Variants in NLRC3 observed in about 807,000 individuals in gnomAD.
The protein encoded by NLRC3 is NLR family CARD domain-containing protein 3.
A neutral mutation model predicts 91.6 loss-of-function variants in NLRC3; 87 were observed. The observed-to-expected ratio is 0.95, with a 90% CI of 0.80 to 1.14. The LOEUF is 1.14. Among genes scored for constraint, NLRC3 ranks in the 50% most tolerant of loss-of-function variants. NLRC3 has a pLI of 0.00. For synonymous variants in NLRC3, 694 were observed against 625.3 expected, an observed-to-expected ratio of 1.11 and a Z score of -1.64; for missense variants, 1,577 against 1,418.6, an observed-to-expected ratio of 1.11 and a Z score of -1.79.
chr16:3,554,344 G>A lies in NLRC3; in HGVS notation c.2184-19C>T. 5 of 1,587,336 alleles carry A rather than the reference G, an allele frequency of 3.1e-6. No individual in the cohort carries two copies. Among genetic ancestry groups the A allele is most frequent in the Non-Finnish European group, 4.3e-6 (5 of 1,156,256 alleles). On this transcript the variant is annotated intron_variant, in intron 8 of 19. Transcript: ENST00000359128. ...CTGGAGGCTGCAGAGACAAGAAGAG[G>A]CTCATCACTGATGGAGCAGAAGCTG...
In NLRC3 at chr16:3,541,761, C is replaced by G; in HGVS notation, c.*64G>C. 1 of 1,098,620 alleles carries G rather than the reference C, an allele frequency of 9.1e-7. No homozygotes were observed. Among genetic ancestry groups the G allele is most frequent in the Non-Finnish European group, 1.4e-6 (1 of 730,324 alleles). 68.1% of individuals were successfully genotyped at this position (1,098,620 alleles called of 1,614,324 possible). A position where few individuals can be genotyped will look rare whatever the true frequency, so the allele number is the denominator to read the frequency against. Reference sequence around the variant, plus strand: ...GCTCCCAGACAGGCCCCCCAGAAGTCGGCCTTTCTGTTCAAAAGCTTCCAG... The same window carrying G: ...GCTCCCAGACAGGCCCCCCAGAAGTGGGCCTTTCTGTTCAAAAGCTTCCAG... On this transcript the variant is annotated 3_prime_UTR_variant, in exon 20 of 20. Transcript: ENST00000359128.
At chr16:3,569,134 C>T (rs575006809) in intron 1 of NLRC3, among the ~76,000 whole-genome samples, 3 of 151,790 alleles carry the variant, frequency 2.0e-5, no homozygotes, top group East Asian at 2.0e-4. Context: ...GCCAACATGG[C>T]GGAACCCCAT....
At chr16:3,546,262 A>G (rs2038683349) in intron 15 of NLRC3, among the ~76,000 whole-genome samples, 1 of 151,842 alleles carries the variant, frequency 6.6e-6, no homozygotes, top group Admixed American at 6.6e-5. Flanking sequence ...TTACTTTAAA[A>G]AATAAGTTAT....
At chr16:3,573,426 C>T (rs989163627) in intron 1 of NLRC3, among the ~76,000 whole-genome samples, 1 of 151,978 alleles carries the variant, frequency 6.6e-6, no homozygotes, top group Non-Finnish European at 1.5e-5. Context: ...GACCCTGTCT[C>T]ACACACACAC....
rs376246414 is a variant in NLRC3 at position 3,563,733 on chromosome 16, G to A, written c.1204C>T (p.Arg402Cys). Residue 402 changes from arginine to cysteine, a missense_variant, in exon 5 of 20, where the codon CGT (arginine) becomes TGT (cysteine). Transcript: ENST00000359128. ...TTGAGCAGCCCATGGAAGGCCAGACGGCCCAATGTCCCCACCATCTTGCGG... is the reference window on the plus strand; with the variant it reads ...TTGAGCAGCCCATGGAAGGCCAGACAGCCCAATGTCCCCACCATCTTGCGG... The part of the protein sequence containing the change: ...GGRKMVGTLG[R>C]LAFHGLLKKK... 21 of 1,613,308 alleles carry A rather than the reference G, an allele frequency of 1.3e-5. No individual in the cohort carries two copies. The highest frequency in any genetic ancestry group is 1.6e-4 in the Middle Eastern group (1 of 6,084).
Position 3,564,417 on chromosome 16 carries a change from C to G in NLRC3, c.520G>C (p.Val174Leu). The change falls in exon 5 of 20, where the codon GTG becomes CTG. Residue 174 changes from valine to leucine, a missense_variant. Coordinates refer to ENST00000359128, the MANE Select transcript of NLRC3 (RefSeq NM_178844.4). The surrounding 1 kb of genome is among the most constrained non-coding windows in gnomAD (Gnocchi z 5.9). ...AGATCCCGGAAGGTCAGAGGCAGCA[C>G]CAGCGAGAAGTCCTTGCCGACCTGC... is the stretch of plus-strand genomic sequence containing the variant. ...HGQVGKDFSL[V>L]LPLTFRDLNT... The G allele has an allele frequency of 6.2e-7, 1 of 1,612,744 alleles. No individual in the cohort carries two copies. The highest frequency in any genetic ancestry group is 8.5e-7 in the Non-Finnish European group (1 of 1,179,880).
chr16:3,556,575 A>C (rs994470028), intron 8 of NLRC3, among the ~76,000 whole-genome samples: 9 of 151,674 alleles, frequency 5.9e-5, no homozygotes, highest in Non-Finnish European at 1.0e-4. Flanking sequence ...CGCGATCTCA[A>C]CTTACTGCAA....
chr16:3,558,008 G>C (rs553579453), intron 6 of NLRC3, among the ~76,000 whole-genome samples: 2 of 152,352 alleles, frequency 1.3e-5, no homozygotes, highest in East Asian at 3.9e-4. Context: ...ATGGCAGCCA[G>C]TGGTGTACTG....
chr16:3,577,396 G>A lies in NLRC3; in HGVS notation c.-416C>T, dbSNP rs2040348230. 1 of 568,812 alleles carries A rather than the reference G, an allele frequency of 1.8e-6. No individual in the cohort carries two copies. The allele number at this position is 568,812 out of a possible 1,614,324, so 35.2% of individuals were successfully genotyped here. ...CCCACCGAGCCCACCGGCTGTCCCT[G>A]TGGCTCCGGGTCCTCACCTCTTCCT... On this transcript the variant is annotated 5_prime_UTR_variant, in exon 1 of 20. Coordinates refer to ENST00000359128, the MANE Select transcript of NLRC3 (RefSeq NM_178844.4).
intron 1 of NLRC3, among the ~76,000 whole-genome samples, chr16:3,567,640 T>G (rs2039933747): frequency 6.6e-6 from 1 of 151,302 alleles, no homozygotes; most frequent in Admixed American, 6.6e-5. Context: ...GGCATGGTGG[T>G]GGGCGCCTGT....
intron 14 of NLRC3, 109 bp from the exon 15 acceptor site, chr16:3,548,327 A>G (rs1197806369): frequency 7.0e-6 from 6 of 857,868 alleles, no homozygotes; most frequent in Non-Finnish European, 1.1e-5. Flanking sequence ...AGGATGTGGC[A>G]GGAGAATTCC....
chr16:3,573,511 T>G (rs554470125), intron 1 of NLRC3, among the ~76,000 whole-genome samples: 1 of 152,198 alleles, frequency 6.6e-6, no homozygotes, highest in African/African-American at 2.4e-5. Flanking sequence ...CTGCCTGATA[T>G]GCCAGAGGCC....
intron 1 of NLRC3, among the ~76,000 whole-genome samples, chr16:3,576,335 C>A (rs865796213): frequency 6.6e-6 from 1 of 152,352 alleles, no homozygotes; most frequent in African/African-American, 2.4e-5. Flanking sequence ...GCAGGAGAGG[C>A]CCTGGGGCTG....
chr16:3,562,889 A>G (rs1261608596), intron 5 of NLRC3, 120 bp downstream of exon 5: 6 of 927,328 alleles, frequency 6.5e-6, no homozygotes, highest in Admixed American at 2.0e-5. Context: ...CACCAAGTTC[A>G]TGGTCCTCTG....
At chr16:3,553,655 G>A (rs1253787053) in intron 9 of NLRC3, among the ~76,000 whole-genome samples, 1 of 151,762 alleles carries the variant, frequency 6.6e-6, no homozygotes. Flanking sequence ...TCCAATAATT[G>A]TTGTATTCTT....
rs769142019 is a variant in NLRC3, at chr16:3,561,725, C to G, written c.1992G>C (p.Lys664Asn). ...MELLGSVLSG[K>N]DCRIQKISLA... is the part of the protein sequence containing the mutation. ...ACCTGATCTTCTGAATGCGACAGTC[C>G]TTCCCACTCAGCACGCTGCCCAGCA... is the stretch of plus-strand genomic sequence containing the variant. The change falls in exon 6 of 20, where the codon AAG (lysine) becomes AAC (asparagine). Residue 664 changes from lysine (K) to asparagine (N), a missense_variant. Lys to Asn is a moderately conservative substitution (Grantham distance 94). Coordinates refer to ENST00000359128, the MANE Select transcript of NLRC3 (RefSeq NM_178844.4). The G allele has an allele frequency of 6.2e-7, 1 of 1,613,280 alleles. No homozygotes were observed. The highest frequency in any genetic ancestry group is 1.7e-5 in the Admixed American group (1 of 60,020).
intron 5 of NLRC3, 38 bp from the exon 6 acceptor site, chr16:3,561,826 G>T: frequency 1.3e-6 from 2 of 1,501,612 alleles, no homozygotes; most frequent in South Asian, 1.1e-5. Flanking sequence ...TGTCCCACCC[G>T]CCCACGGGCA....
Position 3,556,944 on chromosome 16 carries a change from G to A in NLRC3, c.2150C>T (p.Ala717Val). 6.2e-7 allele frequency: 1 copy of A among 1,613,840 alleles called. No individual in the cohort carries two copies. The highest frequency in any genetic ancestry group is 8.5e-7 in the Non-Finnish European group (1 of 1,179,810). The change falls in exon 8 of 20, where the codon GCT becomes GTT. Residue 717 changes from alanine (A) to valine (V), a missense_variant. Physicochemically the swap from Ala to Val is moderately conservative, Grantham distance 64. Coordinates refer to ENST00000359128, the MANE Select transcript of NLRC3 (RefSeq NM_178844.4). Reference sequence around the variant, plus strand: ...GGTCAGGGTGCGGTTGATCTTCAAAGCGTCTGCCAGCGCCTTGGCCCCTTG... The same window carrying A: ...GGTCAGGGTGCGGTTGATCTTCAAAACGTCTGCCAGCGCCTTGGCCCCTTG... ...GPQGAKALADALKINRTLTSL... is the reference protein window; with the variant it reads ...GPQGAKALADVLKINRTLTSL...
intron 10 of NLRC3, among the ~76,000 whole-genome samples, chr16:3,551,091 G>A (rs542613849): frequency 1.6e-4 from 24 of 149,024 alleles, no homozygotes; most frequent in Non-Finnish European, 2.4e-4. Context: ...CTATCATTTC[G>A]TCTGTCCATC....
Sources: gnomAD v4.1 joint callset for allele counts (sites outside exome capture counted in the v4.1 genomes callset) on GRCh38, gnomAD v4.1.1 for gene constraint, Gnocchi (gnomAD v3.1) non-coding constraint, MANE v1.5 for transcripts, NCBI Gene and HGNC (gene_info 2026-07-23, HGNC 2026-07-21) for gene names.